CDK14: variants seen among roughly 807,000 people sequenced by gnomAD.
CDK14 encodes the protein cyclin dependent kinase 14, also known as cyclin-dependent kinase 14.
Under a neutral mutation model 60.7 loss-of-function variants are expected in CDK14, and 34 were observed. That is an observed-to-expected ratio of 0.56 (90% CI 0.43 to 0.75). CDK14 has a LOEUF of 0.75. CDK14 is among the 30% of genes least tolerant of loss of function. CDK14 has a pLI of 0.00. For missense variants in CDK14, 482 were observed against 564.1 expected (o/e 0.85, Z 1.47); for synonymous variants, 197 against 203.7 (o/e 0.97, Z 0.28).
At chr7:91,120,188 T>G (rs892438018) in intron 14 of CDK14, among the ~76,000 whole-genome samples, 2 of 152,204 alleles carry the variant, frequency 1.3e-5, no homozygotes, top group Non-Finnish European at 2.9e-5. Context: ...TTCCTCTTCT[T>G]GGCTCTTTTG....
chr7:90,710,347 T>G (rs1037024878), intron 2 of CDK14: 70 of 985,156 alleles, frequency 7.1e-5, no homozygotes, highest in Non-Finnish European at 8.3e-5. Context: ...TGGCTGTGCT[T>G]GGCTGAATGC....
intron 9 of CDK14, among the ~76,000 whole-genome samples, chr7:90,981,420 A>T (rs1275617634): frequency 1.3e-5 from 2 of 152,248 alleles, no homozygotes; most frequent in African/African-American, 4.8e-5. Flanking sequence ...ATCCTATGAT[A>T]TAAAATGGCA....
At chr7:90,888,549 C>G (rs1334084945) in intron 6 of CDK14, among the ~76,000 whole-genome samples, 2 of 152,178 alleles carry the variant, frequency 1.3e-5, no homozygotes, top group Admixed American at 6.6e-5. Context: ...TCTGTTCTCT[C>G]TTCCGTTAGT....
chr7:90,742,314 T>C (rs1317911549), intron 3 of CDK14, among the ~76,000 whole-genome samples: 1 of 152,062 alleles, frequency 6.6e-6, no homozygotes, highest in African/African-American at 2.4e-5. Context: ...ATTTGGGTAA[T>C]TAATTTTTTC....
intron 2 of CDK14, among the ~76,000 whole-genome samples, chr7:90,644,076 A>G (rs943952815): frequency 3.3e-5 from 5 of 152,194 alleles, no homozygotes; most frequent in African/African-American, 1.2e-4. Context: ...TGTTGAAGAG[A>G]TAACAGAGAA....
chr7:91,092,922 C>T (rs1369255465), intron 12 of CDK14, among the ~76,000 whole-genome samples: 2 of 152,124 alleles, frequency 1.3e-5, no homozygotes, highest in Non-Finnish European at 2.9e-5. Context: ...AATTTTTGTT[C>T]TAATTATTTG....
intron 8 of CDK14, among the ~76,000 whole-genome samples, chr7:90,930,759 C>T (rs936953429): frequency 5.9e-5 from 9 of 152,198 alleles, no homozygotes; most frequent in Non-Finnish European, 1.2e-4. Flanking sequence ...TTATGAAGTG[C>T]TTCATAGCTC....
intron 12 of CDK14, among the ~76,000 whole-genome samples, chr7:91,100,163 A>G (rs998004093): frequency 1.3e-5 from 2 of 152,198 alleles, no homozygotes; most frequent in Non-Finnish European, 2.9e-5. Context: ...TACCCCATAT[A>G]TGAAAAATAC....
At chr7:90,866,271 C>G (rs998262644) in intron 6 of CDK14, among the ~76,000 whole-genome samples, 23 of 147,270 alleles carry the variant, frequency 1.6e-4, no homozygotes, top group African/African-American at 4.2e-4. Flanking sequence ...CACACACACA[C>G]ACAGAACTTT....
At chr7:91,077,422 G>A (rs2161686) in intron 11 of CDK14, among the ~76,000 whole-genome samples, 4 of 151,862 alleles carry the variant, frequency 2.6e-5, no homozygotes, top group South Asian at 4.2e-4. Flanking sequence ...GTTCTGACTC[G>A]TAAGTGGGAA....
chr7:91,202,990 G>A (rs920695842), intron 14 of CDK14, among the ~76,000 whole-genome samples: 1 of 152,106 alleles, frequency 6.6e-6, no homozygotes, highest in Non-Finnish European at 1.5e-5. Context: ...AAACATCATC[G>A]ATGTCTAAAA....
At chr7:90,808,526 A>C (rs1788954279) in intron 5 of CDK14, among the ~76,000 whole-genome samples, 1 of 152,222 alleles carries the variant, frequency 6.6e-6, no homozygotes, top group Non-Finnish European at 1.5e-5. Context: ...CAAGTTGTAA[A>C]GACCATCGAG....
At chr7:90,824,163 G>C (rs1789641100) in intron 5 of CDK14, among the ~76,000 whole-genome samples, 1 of 152,138 alleles carries the variant, frequency 6.6e-6, no homozygotes, top group Admixed American at 6.6e-5. Context: ...AATGACAATA[G>C]ACAATGTTGA....
chr7:90,640,462 G>A (rs763306968), intron 2 of CDK14, among the ~76,000 whole-genome samples: 2 of 151,862 alleles, frequency 1.3e-5, no homozygotes, highest in East Asian at 3.9e-4. Context: ...TTTGTAAGTC[G>A]GTAAAAGACT....
chr7:90,980,748 T>C (rs1294939196), intron 9 of CDK14, among the ~76,000 whole-genome samples: 1 of 152,158 alleles, frequency 6.6e-6, no homozygotes, highest in Non-Finnish European at 1.5e-5. Flanking sequence ...AAACATCCAC[T>C]AGAAATGAAA....
At position 91,082,285 on chromosome 7, in the gene CDK14, G is replaced by A. The variant is rs143472551; in HGVS notation, c.1154+2805G>A. Among the ~76,000 whole-genome samples, 619 of 152,266 alleles carry A rather than the reference G, an allele frequency of 4.1e-3. 4 individuals carry two copies. Among genetic ancestry groups the A allele is most frequent in the African/African-American group, 0.014 (592 of 41,554 alleles). The stretch of plus-strand genomic sequence containing the variant: ...AACTTTTAAACAGCTGAATGATTTC[G>A]GAGGTTTGAAAGTATCAAAAAGAGA... On this transcript the variant is annotated intron_variant, in intron 12 of 14. Coordinates refer to ENST00000380050, the MANE Select transcript of CDK14 (RefSeq NM_001287135.2).
intron 2 of CDK14, among the ~76,000 whole-genome samples, chr7:90,649,584 A>AT (rs1319038037): frequency 6.7e-6 from 1 of 150,356 alleles, no homozygotes; most frequent in Non-Finnish European, 1.5e-5. Flanking sequence ...TACATTAGGT[A>AT]TTTCTCCTAA....
chr7:90,789,646 C>G (rs1805743788), intron 4 of CDK14, among the ~76,000 whole-genome samples: 1 of 152,092 alleles, frequency 6.6e-6, no homozygotes, highest in African/African-American at 2.4e-5. Flanking sequence ...GCAAACACTA[C>G]AGCATTTTGT....
chr7:91,194,825 A>G (rs1248616841), intron 14 of CDK14, among the ~76,000 whole-genome samples: 1 of 152,206 alleles, frequency 6.6e-6, no homozygotes, highest in Non-Finnish European at 1.5e-5. Context: ...GGTTTGGGGT[A>G]AGGAAAGGGA....
Sources: allele counts gnomAD v4.1 joint callset (sites outside exome capture counted in the v4.1 genomes callset), GRCh38; gene constraint gnomAD v4.1.1; transcripts MANE v1.5; gene names NCBI Gene and HGNC (gene_info 2026-07-23, HGNC 2026-07-21).